The following TRPC6 variants were observed in gnomAD, a reference collection of about 807,000 sequenced individuals.
TRPC6 encodes the protein transient receptor potential cation channel subfamily C member 6, also known as short transient receptor potential channel 6.
TRPC6 carries 55 observed loss-of-function variants against 90.7 expected under a neutral mutation model. That is an observed-to-expected ratio of 0.61 (90% CI 0.49 to 0.76). The LOEUF is 0.76. Ranked by LOEUF, TRPC6 falls within the 30% of genes least tolerant of loss-of-function variation. The pLI is 0.00. For synonymous variants in TRPC6, 393 were observed against 393.0 expected (o/e 1.00, Z 0.00); for missense variants, 989 against 1,122.7 (o/e 0.88, Z 1.70).
chr11:101,459,469 C>T (rs1365421280), intron 10 of TRPC6, among the ~76,000 whole-genome samples: 2 of 152,128 alleles, frequency 1.3e-5, no homozygotes, highest in Non-Finnish European at 2.9e-5. Flanking sequence ...GGTCAGACAT[C>T]ACAGGTTTAG....
rs988892520 is a variant in TRPC6 at position 101,471,212 on chromosome 11, C to A, written c.2380G>T (p.Gly794Cys). ...ISELFQGHKK[G>C]FQEDAEMNKI... ...TTCATCTCTGCATCTTCCTGGAAAC[C>A]TTTTTTATGGCCCTGGAACAGCTCA... Residue 794 changes from glycine (G) to cysteine (C), a missense_variant, in exon 9 of 13, where the codon GGT becomes TGT. Physicochemically the swap from Gly to Cys is radical, Grantham distance 159. Around this residue, in one of 4 missense-constraint regions of TRPC6, gnomAD observed 191 missense variants for 196.7 expected, o/e 0.97. Coordinates refer to ENST00000344327, the MANE Select transcript of TRPC6 (RefSeq NM_004621.6). The A allele has an allele frequency of 3.7e-6, 6 of 1,613,820 alleles. No homozygotes were observed. In the Admixed American group the frequency reaches 1.0e-4, roughly 27 times the overall value.
chr11:101,490,451 G>A (rs2136704909), intron 3 of TRPC6, among the ~76,000 whole-genome samples: 1 of 152,056 alleles, frequency 6.6e-6, no homozygotes, highest in Admixed American at 6.5e-5. Flanking sequence ...CTATCTATCT[G>A]TCTATCCATC....
intron 1 of TRPC6, among the ~76,000 whole-genome samples, chr11:101,553,380 T>C (rs1259819326): frequency 6.6e-6 from 1 of 152,080 alleles, no homozygotes; most frequent in Non-Finnish European, 1.5e-5. Context: ...TCACTGAACC[T>C]TTATCACAGC....
intron 9 of TRPC6, 118 bp downstream of exon 9, chr11:101,471,065 C>T: frequency 1.1e-6 from 1 of 934,710 alleles, no homozygotes; most frequent in South Asian, 1.5e-5. Context: ...GAAGTGACTG[C>T]ATATGGGAAT....
At position 101,583,353 on chromosome 11, in the gene TRPC6, A is replaced by G; in HGVS notation, c.151T>C (p.Tyr51His). The change falls in exon 1 of 13, where the codon TAC (tyrosine) becomes CAC (histidine). Residue 51 changes from tyrosine to histidine, a missense_variant. Physicochemically the swap from Tyr to His is moderately conservative, Grantham distance 83 (BLOSUM62 2). Transcript: ENST00000344327. The part of the protein sequence containing the change: ...DGCPQAPLPC[Y>H]GYYPCFRGSD... ...ACTCACAAGCAGGGGTAGTAGCCGT[A>G]GCAAGGCAGCGGGGCTTGCGGGCAG... 6.3e-7 allele frequency: 1 copy of G among 1,594,090 alleles called. No individual in the cohort carries two copies.
chr11:101,469,195 A>T (rs1338084625), intron 10 of TRPC6, among the ~76,000 whole-genome samples: 1 of 152,192 alleles, frequency 6.6e-6, no homozygotes, highest in African/African-American at 2.4e-5. Context: ...CACCATAAGT[A>T]TATATATGTG....
At chr11:101,554,853 G>T (rs1013802497) in intron 1 of TRPC6, among the ~76,000 whole-genome samples, 2 of 152,020 alleles carry the variant, frequency 1.3e-5, no homozygotes, top group East Asian at 3.8e-4. Flanking sequence ...CCTTGCCCTA[G>T]CTTGTCCTCC....
At chr11:101,519,841 G>A (rs1172806703) in intron 1 of TRPC6, 1 of 153,124 alleles carries the variant, frequency 6.5e-6, no homozygotes, top group Non-Finnish European at 1.5e-5. Flanking sequence ...GGGTCAGAGA[G>A]TTAAGATAAT....
chr11:101,542,397 G>A, intron 1 of TRPC6, among the ~76,000 whole-genome samples: 1 of 152,082 alleles, frequency 6.6e-6, no homozygotes, highest in South Asian at 2.1e-4. Context: ...CATCTTTCTG[G>A]GACAGATCTA....
chr11:101,481,246 G>T lies in TRPC6; in HGVS notation c.1510+1703C>A, dbSNP rs147884810. 3.9e-5 allele frequency among the ~76,000 whole-genome samples: 6 copies of T among 152,242 alleles called. No individual in the cohort carries two copies. In the South Asian group the frequency reaches 6.2e-4, roughly 16 times the overall value. ...CCCTAGAGAGGGAGGTGGGATGTTG[G>T]GGGGAGGGAATGGAGAAGCCTGTGG... On this transcript the variant is annotated intron_variant, in intron 5 of 12. Transcript: ENST00000344327.
chr11:101,511,846 A>T (rs953124611), intron 1 of TRPC6, among the ~76,000 whole-genome samples: 1 of 151,984 alleles, frequency 6.6e-6, no homozygotes, highest in African/African-American at 2.4e-5. Context: ...TACAAAAATT[A>T]GCCAGGCATG....
chr11:101,548,850 G>GT (rs1861388122), intron 1 of TRPC6, among the ~76,000 whole-genome samples: 2 of 151,922 alleles, frequency 1.3e-5, no homozygotes, highest in Non-Finnish European at 1.5e-5. Context: ...GTGTAGAAGA[G>GT]TATGAAGATA....
chr11:101,516,246 T>G lies in TRPC6; in HGVS notation c.171-11448A>C, dbSNP rs527301896. Among the ~76,000 whole-genome samples the G allele has an allele frequency of 9.0e-4, 137 of 152,296 alleles. 1 individual carries two copies. Among genetic ancestry groups the G allele is most frequent in the African/African-American group, 3.2e-3 (135 of 41,562 alleles). On this transcript the variant is annotated intron_variant, in intron 1 of 12. Coordinates refer to ENST00000344327, the MANE Select transcript of TRPC6 (RefSeq NM_004621.6). Reference sequence around the variant, plus strand: ...CTCTTAAGTTCATGCTAGCAATGCATGGTAAGGCAAGACTGTAAACCTAGG... The same window carrying G: ...CTCTTAAGTTCATGCTAGCAATGCAGGGTAAGGCAAGACTGTAAACCTAGG...
chr11:101,558,258 CATGTATATGGGTAT>C (rs1861615766), intron 1 of TRPC6, among the ~76,000 whole-genome samples: 2 of 133,040 alleles, frequency 1.5e-5, no homozygotes, highest in Admixed American at 7.3e-5. Flanking sequence ...TATATGTATA[CATGTATATGGGTAT>C]ACATGTATAT....
intron 1 of TRPC6, among the ~76,000 whole-genome samples, chr11:101,514,925 G>A (rs1860482438): frequency 6.6e-6 from 1 of 152,184 alleles, no homozygotes; most frequent in Non-Finnish European, 1.5e-5. Context: ...GAAGAACAAA[G>A]CTTTAAAGAA....
At chr11:101,555,416 G>C (rs1861540099) in intron 1 of TRPC6, among the ~76,000 whole-genome samples, 1 of 152,096 alleles carries the variant, frequency 6.6e-6, no homozygotes. Context: ...GAAGGGTCCT[G>C]GGTACTCAAT....
At chr11:101,572,870 C>T (rs1861994722) in intron 1 of TRPC6, among the ~76,000 whole-genome samples, 2 of 152,024 alleles carry the variant, frequency 1.3e-5, no homozygotes, top group African/African-American at 4.8e-5. Context: ...GGGTGAGGGG[C>T]TATGGGACGG....
intron 10 of TRPC6, among the ~76,000 whole-genome samples, chr11:101,468,926 C>A (rs746418609): frequency 6.6e-6 from 1 of 152,138 alleles, no homozygotes; most frequent in Non-Finnish European, 1.5e-5. Flanking sequence ...ACATCCTCAT[C>A]GTTGAGGATT....
chr11:101,453,182 A>T, intron 12 of TRPC6, 76 bp from the exon 13 acceptor site: 2 of 1,360,816 alleles, frequency 1.5e-6, no homozygotes, highest in South Asian at 2.4e-5. Context: ...GGACAGGAGG[A>T]AATCAGCTCT....
Sources: gnomAD v4.1 joint callset for allele counts (sites outside exome capture counted in the v4.1 genomes callset) on GRCh38, gnomAD v4.1.1 for gene constraint, gnomAD v4.1.1 regional missense constraint, MANE v1.5 for transcripts, NCBI Gene and HGNC (gene_info 2026-07-23, HGNC 2026-07-21) for gene names.